FYN: variants seen among roughly 807,000 people sequenced by gnomAD.
The protein encoded by FYN is tyrosine-protein kinase Fyn.
In FYN, 10 loss-of-function variants were observed where a neutral mutation model predicts 70.2. The observed-to-expected ratio is 0.14, with a 90% confidence interval of 0.09 to 0.24. FYN has a LOEUF of 0.24. Among genes scored for constraint, FYN ranks in the 10% least tolerant of loss-of-function variants. FYN has a pLI of 1.00. For synonymous variants in FYN, 236 were observed against 248.6 expected (o/e 0.95, Z 0.48); for missense variants, 319 against 673.1 (o/e 0.47, Z 5.82).
At chr6:111,828,610 T>C (rs953324586) in intron 2 of FYN, among the ~76,000 whole-genome samples, 46 of 149,862 alleles carry the variant, frequency 3.1e-4, no homozygotes, top group African/African-American at 1.0e-3. Context: ...CGCTACAACA[T>C]AGATTAACCT....
intron 3 of FYN, among the ~76,000 whole-genome samples, chr6:111,777,281 T>C (rs1013747100): frequency 7.2e-5 from 11 of 152,216 alleles, no homozygotes; most frequent in African/African-American, 2.4e-4. Flanking sequence ...TAGCAGCCTT[T>C]CCACTCTGAT....
intron 2 of FYN, among the ~76,000 whole-genome samples, chr6:111,817,067 T>G (rs1460407062): frequency 6.6e-6 from 1 of 150,862 alleles, no homozygotes; most frequent in African/African-American, 2.5e-5. Flanking sequence ...TAAAATTATA[T>G]TCAACAACAT....
At chr6:111,711,016 G>C (rs1433986800) in intron 5 of FYN, among the ~76,000 whole-genome samples, 1 of 152,138 alleles carries the variant, frequency 6.6e-6, no homozygotes, top group African/African-American at 2.4e-5. Context: ...CTGTTCCTCT[G>C]ATTTAAAGAC....
At chr6:111,785,085 G>A (rs1446548401) in intron 2 of FYN, among the ~76,000 whole-genome samples, 1 of 152,184 alleles carries the variant, frequency 6.6e-6, no homozygotes, top group African/African-American at 2.4e-5. Context: ...ACTTGATGAA[G>A]AAACGTGCTT....
intron 3 of FYN, among the ~76,000 whole-genome samples, chr6:111,726,554 T>C (rs1015263560): frequency 6.6e-6 from 1 of 152,184 alleles, no homozygotes; most frequent in Non-Finnish European, 1.5e-5. Flanking sequence ...CCTGATTCCA[T>C]GGCCAACACA....
intron 3 of FYN, among the ~76,000 whole-genome samples, chr6:111,772,234 A>G (rs1803479921): frequency 6.6e-6 from 1 of 152,210 alleles, no homozygotes; most frequent in Non-Finnish European, 1.5e-5. Flanking sequence ...CCAGGTGACC[A>G]TCAAGGAAAT....
At chr6:111,734,058 G>A (rs1463353092) in intron 3 of FYN, among the ~76,000 whole-genome samples, 2 of 152,132 alleles carry the variant, frequency 1.3e-5, no homozygotes, top group Non-Finnish European at 2.9e-5. Context: ...CTACACTCCA[G>A]CCTGGGTGAC....
At chr6:111,676,437 T>C (rs1798534052) in intron 12 of FYN, 1 of 152,256 alleles carries the variant, frequency 6.6e-6, no homozygotes. Context: ...TGATTCCACA[T>C]AAGACCTGGT....
intron 2 of FYN, among the ~76,000 whole-genome samples, chr6:111,781,578 C>T (rs893010274): frequency 2.0e-5 from 3 of 152,188 alleles, no homozygotes; most frequent in South Asian, 2.1e-4. Flanking sequence ...CCCAGCTTTT[C>T]GACATTATCC....
At chr6:111,705,139 C>G (rs1800011935) in intron 6 of FYN, among the ~76,000 whole-genome samples, 1 of 151,966 alleles carries the variant, frequency 6.6e-6, no homozygotes, top group African/African-American at 2.4e-5. Flanking sequence ...TGGGAAATAA[C>G]AAAACACAGT....
At position 111,731,142 on chromosome 6, in the gene FYN, C is replaced by T. The variant is rs542498864; in HGVS notation, c.-11-11080G>A. On this transcript the variant is annotated intron_variant, in intron 3 of 13. Transcript: ENST00000354650. ...GCCGAGGAGGTTCACTCTCCAAGGCCGAACAAAACCCGCCCTGCCAATCTT... is the reference window on the plus strand; with the variant it reads ...GCCGAGGAGGTTCACTCTCCAAGGCTGAACAAAACCCGCCCTGCCAATCTT... Among the ~76,000 whole-genome samples the T allele has an allele frequency of 5.3e-5, 8 of 152,298 alleles. No homozygotes were observed. The East Asian group carries it at 1.4e-3, about 26-fold the overall frequency.
chr6:111,727,240 ATG>A (rs1177132955), intron 3 of FYN, among the ~76,000 whole-genome samples: 1 of 152,138 alleles, frequency 6.6e-6, no homozygotes, highest in Non-Finnish European at 1.5e-5. Flanking sequence ...TGGCATATTA[ATG>A]ACTATTTGGG....
intron 3 of FYN, among the ~76,000 whole-genome samples, chr6:111,758,012 G>A (rs183333854): frequency 7.9e-5 from 12 of 152,232 alleles, no homozygotes; most frequent in African/African-American, 2.4e-4. Context: ...CTATATTCAC[G>A]TGGATCTTGC....
intron 1 of FYN, among the ~76,000 whole-genome samples, chr6:111,869,205 G>C (rs1018715923): frequency 2.0e-5 from 3 of 152,226 alleles, no homozygotes; most frequent in African/African-American, 7.2e-5. Context: ...CTTAACCTCC[G>C]TGGAATATGC....
chr6:111,866,854 C>A (rs1478573188), intron 1 of FYN, among the ~76,000 whole-genome samples: 3 of 152,196 alleles, frequency 2.0e-5, no homozygotes, highest in Non-Finnish European at 4.4e-5. Context: ...GTTCTACAGG[C>A]TTTGATATGT....
chr6:111,695,739 G>A (rs1230558304), intron 10 of FYN, among the ~76,000 whole-genome samples: 3 of 152,164 alleles, frequency 2.0e-5, no homozygotes, highest in Admixed American at 6.5e-5. Flanking sequence ...AACAATGCTG[G>A]TTTGATTAGG....
chr6:111,685,081 G>A (rs914139078), intron 12 of FYN, among the ~76,000 whole-genome samples: 4 of 152,192 alleles, frequency 2.6e-5, no homozygotes, highest in African/African-American at 9.6e-5. Flanking sequence ...CAGCATAAAC[G>A]CTATGTTTGC....
chr6:111,860,286 G>A (rs1041678114), intron 1 of FYN, among the ~76,000 whole-genome samples: 12 of 152,040 alleles, frequency 7.9e-5, no homozygotes, highest in Admixed American at 5.2e-4. Context: ...GTTCCTTCTC[G>A]CTCCTGCCTA....
At chr6:111,776,036 CT>C (rs1160827671) in intron 3 of FYN, among the ~76,000 whole-genome samples, 1 of 152,206 alleles carries the variant, frequency 6.6e-6, no homozygotes, top group Non-Finnish European at 1.5e-5. Flanking sequence ...TCTCCTCCCC[CT>C]GTACACACAT....
Sources: gnomAD v4.1 joint callset for allele counts (sites outside exome capture counted in the v4.1 genomes callset) on GRCh38, gnomAD v4.1.1 for gene constraint, MANE v1.5 for transcripts, NCBI Gene and HGNC (gene_info 2026-07-23, HGNC 2026-07-21) for gene names.